The following ACAD9 variants were observed in gnomAD, a reference collection of about 807,000 sequenced individuals.
The protein encoded by ACAD9 is acyl-CoA dehydrogenase family member 9, also known as complex I assembly factor ACAD9, mitochondrial.
In ACAD9, 53 loss-of-function variants were observed where a neutral mutation model predicts 70.2. The ratio of observed to expected loss-of-function variants is 0.75; its 90% CI spans 0.61 to 0.95. The LOEUF (loss-of-function observed/expected upper bound fraction) is 0.95. Ranked by LOEUF, ACAD9 falls within the 40% of genes least tolerant of loss-of-function variation. The pLI is 0.00. For synonymous variants in ACAD9, 313 were observed against 312.1 expected (o/e 1.00, Z -0.03); for missense variants, 777 against 802.8 (o/e 0.97, Z 0.39).
At chr3:128,889,996 T>TA (rs1387832648) in intron 2 of ACAD9, among the ~76,000 whole-genome samples, 1 of 152,100 alleles carries the variant, frequency 6.6e-6, no homozygotes, top group East Asian at 1.9e-4. Context: ...TAATAATTCT[T>TA]AAAGTTTTTT....
At position 128,910,133 on chromosome 3, in the gene ACAD9, GC is replaced by G; in HGVS notation, c.1677del (p.Asn560ThrfsTer35). ...AGCCGCTCCATCCGCATTGGGCTCC[GC>G]AACCACGACCACGAGGTGAGCCCAG... Reference protein sequence around the residue: ...RASRSIRIGLRNHDHEVLLAN... With the variant: ...RASRSIRIGLXNHDHEVLLAN... On this transcript the variant is annotated frameshift_variant, in exon 16 of 18. Transcript: ENST00000308982. LOFTEE classifies it high-confidence loss of function. The G allele has an allele frequency of 6.2e-7, 1 of 1,613,976 alleles. No individual in the cohort carries two copies.
chr3:128,898,979 C>G (rs1935650761), intron 6 of ACAD9, among the ~76,000 whole-genome samples: 1 of 152,156 alleles, frequency 6.6e-6, no homozygotes, highest in Non-Finnish European at 1.5e-5. Flanking sequence ...TGATTAAACC[C>G]TTTCTTTCTT....
chr3:128,887,644 A>AAT (rs71153150), intron 2 of ACAD9, among the ~76,000 whole-genome samples: 5,444 of 132,966 alleles, frequency 0.041, 153 homozygotes, highest in South Asian at 0.07. Flanking sequence ...AAAATAAATA[A>AAT]ATATATATAT....
chr3:128,900,117 A>C (rs1576341322), intron 7 of ACAD9, among the ~76,000 whole-genome samples: 1 of 152,064 alleles, frequency 6.6e-6, no homozygotes, highest in Admixed American at 6.5e-5. Context: ...TTTTTTGTAG[A>C]GATGGGGTTT....
chr3:128,903,877 G>T (rs1041882512), intron 9 of ACAD9, among the ~76,000 whole-genome samples, 185 bp from the exon 10 acceptor site: 2 of 152,162 alleles, frequency 1.3e-5, no homozygotes, highest in African/African-American at 4.8e-5. Context: ...CCATGAGGAG[G>T]GGTGGTTCTC....
At chr3:128,910,609 C>CG in intron 16 of ACAD9, 132 bp from the exon 17 acceptor site, 2 of 981,212 alleles carry the variant, frequency 2.0e-6, no homozygotes, top group Non-Finnish European at 1.6e-6. Context: ...GAACCCAAGA[C>CG]GGGGTGACTC....
intron 2 of ACAD9, among the ~76,000 whole-genome samples, chr3:128,892,828 A>G (rs941025136): frequency 2.0e-5 from 3 of 152,226 alleles, no homozygotes; most frequent in Admixed American, 6.5e-5. Flanking sequence ...TTTTAGTACA[A>G]TTCTGAGACT....
intron 10 of ACAD9, 97 bp downstream of exon 10, chr3:128,904,229 T>C (rs1471689043): frequency 1.3e-6 from 2 of 1,582,244 alleles, no homozygotes; most frequent in Non-Finnish European, 1.7e-6. Context: ...TGTGGTGATT[T>C]GGGAAGAAGA....
At chr3:128,900,358 C>T (rs1210667575) in intron 7 of ACAD9, among the ~76,000 whole-genome samples, 3 of 152,194 alleles carry the variant, frequency 2.0e-5, no homozygotes, top group Admixed American at 1.3e-4. Flanking sequence ...CTGCCTCAGC[C>T]TCCCGAATAG....
intron 6 of ACAD9, 40 bp downstream of exon 6, chr3:128,897,750 A>G (rs1334784324): frequency 1.5e-5 from 24 of 1,571,442 alleles, no homozygotes; most frequent in Non-Finnish European, 2.0e-5. Context: ...GGTCTCAGTC[A>G]CAACCTTCAC....
intron 9 of ACAD9, 87 bp from the exon 10 acceptor site, chr3:128,903,975 G>A (rs1265570395): frequency 7.1e-7 from 1 of 1,413,714 alleles, no homozygotes; most frequent in Non-Finnish European, 9.9e-7. Flanking sequence ...GCCCACCTGT[G>A]GGAAGGGTAA....
At chr3:128,896,220 T>C (rs1317555743) in intron 4 of ACAD9, among the ~76,000 whole-genome samples, 2 of 152,242 alleles carry the variant, frequency 1.3e-5, no homozygotes, top group African/African-American at 4.8e-5. Flanking sequence ...TGCAAAGCAC[T>C]GTGGGTTGCA....
rs571596355 is a variant in ACAD9, at chr3:128,889,342, A to G, written c.245-4213A>G. ...TGTACAGGTTTGCAGCCTAGGAGCA[A>G]TAAGCCATACCATATAGCCTAGGTG... On this transcript the variant is annotated intron_variant, in intron 2 of 17. Coordinates refer to ENST00000308982, the MANE Select transcript of ACAD9 (RefSeq NM_014049.5). Among the ~76,000 whole-genome samples, 4 of 152,206 alleles carry G rather than the reference A, an allele frequency of 2.6e-5. No homozygotes were observed. The South Asian group carries it at 6.2e-4, about 24-fold the overall frequency.
At chr3:128,912,395 GGCT>G in intron 17 of ACAD9, 109 bp from the exon 18 acceptor site, 6 of 884,928 alleles carry the variant, frequency 6.8e-6, no homozygotes, top group Non-Finnish European at 1.1e-5. Context: ...TCACCCTTAG[GGCT>G]GCTTCATGGT....
Position 128,908,248 on chromosome 3 carries a change from C to T in ACAD9, c.1342C>T (p.Leu448=). Residue 448 remains leucine (L), a synonymous_variant, in exon 13 of 18, where the codon CTG becomes TTG. Coordinates refer to ENST00000308982, the MANE Select transcript of ACAD9 (RefSeq NM_014049.5). Reference sequence around the variant, plus strand: ...GGGTCTGCAGCATGCCGGCCGCATCCTGACTACCAGGATCCAGTAGGTGCC... The same window carrying T: ...GGGTCTGCAGCATGCCGGCCGCATCTTGACTACCAGGATCCAGTAGGTGCC... The part of the protein sequence containing the change: ...LTGLQHAGRI[L]TTRIHELKQA... The T allele has an allele frequency of 1.9e-6, 3 of 1,614,184 alleles. No homozygotes were observed. Among genetic ancestry groups the T allele is most frequent in the Non-Finnish European group, 2.5e-6 (3 of 1,180,022 alleles).
At position 128,879,626 on chromosome 3, in the gene ACAD9, C is replaced by CGT. The variant is rs397874507; in HGVS notation, c.-57_-56dup. On this transcript the variant is annotated 5_prime_UTR_variant, in exon 1 of 18. Transcript: ENST00000308982. ...GTCGCGGGCCAGTAACGTCATCAGACGTGTGTGTGTCCCTGCGGCGCTAAG... is the reference window on the plus strand; with the variant it reads ...GTCGCGGGCCAGTAACGTCATCAGACGTGTGTGTGTGTCCCTGCGGCGCTAAG... The CGT allele has an allele frequency of 5.7e-5, 91 of 1,586,262 alleles. No individual in the cohort carries two copies. Among genetic ancestry groups the CGT allele is most frequent in the Middle Eastern group, 2.3e-4 (1 of 4,416 alleles).
chr3:128,909,102 G>C lies in ACAD9; in HGVS notation c.1485+3G>C, dbSNP rs1352245286. The C allele has an allele frequency of 1.2e-6, 2 of 1,613,848 alleles. No homozygotes were observed. Among genetic ancestry groups the C allele is most frequent in the Non-Finnish European group, 1.7e-6 (2 of 1,180,000 alleles). On this transcript the variant is annotated splice_donor_region_variant and intron_variant, in intron 14 of 17. Transcript: ENST00000308982. ...GAGTTGTGCACCCCAGTCTTGCGGT[G>C]AGTGGGCCTAACAGGCATACCCCCT...
intron 11 of ACAD9, 104 bp from the exon 12 acceptor site, chr3:128,906,017 C>A: frequency 6.6e-7 from 1 of 1,526,578 alleles, no homozygotes; most frequent in Non-Finnish European, 9.0e-7. Context: ...CCTCCCTGGC[C>A]GATCTCCTCC....
chr3:128,910,381 C>T (rs1936141602), intron 16 of ACAD9: 3 of 1,451,252 alleles, frequency 2.1e-6, no homozygotes, highest in Middle Eastern at 2.1e-4. Flanking sequence ...CCCAGTGCCC[C>T]TACCCCCAGC....
Sources: gnomAD v4.1 joint callset for allele counts (sites outside exome capture counted in the v4.1 genomes callset) on GRCh38, gnomAD v4.1.1 for gene constraint, MANE v1.5 for transcripts, NCBI Gene and HGNC (gene_info 2026-07-23, HGNC 2026-07-21) for gene names.